The following COLEC11 variants were observed in gnomAD, a reference collection of about 807,000 sequenced individuals.
COLEC11 encodes collectin-11.
A neutral mutation model predicts 27.3 loss-of-function variants in COLEC11; 20 were observed. The ratio of observed to expected loss-of-function variants is 0.73; its 90% CI spans 0.51 to 1.06. COLEC11 has a LOEUF of 1.06. Among genes scored for constraint, COLEC11 ranks in the 50% least tolerant of loss-of-function variants. The pLI is 0.00. For synonymous variants in COLEC11, 163 were observed against 154.7 expected (o/e 1.05, Z -0.40); for missense variants, 310 against 383.0 (o/e 0.81, Z 1.59).
At chr2:3,632,466 C>A (rs749979694) in intron 3 of COLEC11, among the ~76,000 whole-genome samples, 1 of 152,300 alleles carries the variant, frequency 6.6e-6, no homozygotes, top group Non-Finnish European at 1.5e-5. Context: ...GGCTTACAGG[C>A]GGTGTCTTCC....
intron 3 of COLEC11, among the ~76,000 whole-genome samples, chr2:3,621,285 A>C (rs115150736): frequency 0.016 from 2,403 of 152,210 alleles, 63 homozygotes; most frequent in African/African-American, 0.056. Flanking sequence ...ACCCTTTTTT[A>C]CTCTTGGCTA....
At chr2:3,640,227 A>C (rs867152418) in intron 4 of COLEC11, 51 bp from the exon 5 acceptor site, 1 of 1,092,884 alleles carries the variant, frequency 9.2e-7, no homozygotes, top group Non-Finnish European at 1.4e-6. Flanking sequence ...TTTAACACAT[A>C]GAACATGTCC....
intron 2 of COLEC11, among the ~76,000 whole-genome samples, chr2:3,609,852 T>TG (rs1231779168): frequency 6.6e-6 from 1 of 151,718 alleles, no homozygotes; most frequent in Admixed American, 6.6e-5. Flanking sequence ...TTTGTAGAGA[T>TG]GGGGTCTTGC....
chr2:3,643,994 G>A lies in COLEC11; in HGVS notation c.692G>A (p.Gly231Asp). 3.1e-6 allele frequency: 5 copies of A among 1,614,136 alleles called. No homozygotes were observed. The highest frequency in any genetic ancestry group is 4.2e-6 in the Non-Finnish European group (5 of 1,180,054). The change falls in exon 7 of 7, where the codon GGT (glycine) becomes GAT (aspartate). Residue 231 changes from glycine to aspartate, a missense_variant. Gly to Asp is a moderately conservative substitution (Grantham distance 94). Coordinates refer to ENST00000349077, the MANE Select transcript of COLEC11 (RefSeq NM_024027.5). Reference protein sequence around the residue: ...PMRTFNKWRSGEPNNAYDEED... With the variant: ...PMRTFNKWRSDEPNNAYDEED... ...CGGACCTTCAACAAGTGGCGCAGCG[G>A]TGAGCCCAACAATGCCTACGACGAG...
chr2:3,603,636 G>A lies in COLEC11; in HGVS notation c.-26-679G>A, dbSNP rs561328335. The A allele has an allele frequency of 3.4e-4, 532 of 1,550,918 alleles. No homozygotes were observed. In the African/African-American group the frequency reaches 5.5e-3, roughly 16 times the overall value. ...CTGGTCTTGTTTTCCAAGTTGTAACGCCCTTCACGATGAAGAAACAAAGAG... is the reference window on the plus strand; with the variant it reads ...CTGGTCTTGTTTTCCAAGTTGTAACACCCTTCACGATGAAGAAACAAAGAG... On this transcript the variant is annotated intron_variant, in intron 1 of 6. Coordinates refer to ENST00000349077, the MANE Select transcript of COLEC11 (RefSeq NM_024027.5).
At position 3,643,954 on chromosome 2, in the gene COLEC11, G is replaced by A. The variant is rs1278092087; in HGVS notation, c.652G>A (p.Asp218Asn). ...GAAGGAGGGCGCCTTCGTGTACTCT[G>A]ACCACTCCCCCATGCGGACCTTCAA... ...LEKEGAFVYS[D>N]HSPMRTFNKW... Residue 218 changes from aspartate (D) to asparagine (N), a missense_variant, in exon 7 of 7, where the codon GAC (aspartate) becomes AAC (asparagine). Coordinates refer to ENST00000349077, the MANE Select transcript of COLEC11 (RefSeq NM_024027.5). The A allele has an allele frequency of 1.2e-6, 2 of 1,614,062 alleles. No homozygotes were observed. The highest frequency in any genetic ancestry group is 1.7e-6 in the Non-Finnish European group (2 of 1,180,062).
At chr2:3,603,925 C>T (rs1428576052) in intron 1 of COLEC11, 2 of 579,352 alleles carry the variant, frequency 3.5e-6, no homozygotes, top group Non-Finnish European at 6.1e-6. Flanking sequence ...ATCTCAGCCT[C>T]CCTCCGCTGT....
At chr2:3,640,527 G>A (rs1414932898) in intron 5 of COLEC11, among the ~76,000 whole-genome samples, 196 bp downstream of exon 5, 1 of 44,346 alleles carries the variant, frequency 2.3e-5, no homozygotes, top group Non-Finnish European at 3.9e-5. Context: ...ACCCACCCCC[G>A]TCACATCCCA....
intron 3 of COLEC11, among the ~76,000 whole-genome samples, chr2:3,621,277 C>A (rs933839644): frequency 6.6e-6 from 1 of 152,172 alleles, no homozygotes; most frequent in South Asian, 2.1e-4. Context: ...ATATAAAAAC[C>A]CTTTTTTACT....
intron 3 of COLEC11, among the ~76,000 whole-genome samples, chr2:3,634,900 T>C (rs942246944): frequency 1.5e-4 from 21 of 140,848 alleles, no homozygotes; most frequent in African/African-American, 6.5e-4. Context: ...TCTTGGACCC[T>C]GTCCTCACTG....
intron 4 of COLEC11, among the ~76,000 whole-genome samples, chr2:3,637,918 T>C (rs1462306407): frequency 6.6e-6 from 1 of 152,214 alleles, no homozygotes. Context: ...TTAACAAGTT[T>C]GGTAACAGAC....
intron 3 of COLEC11, among the ~76,000 whole-genome samples, chr2:3,614,905 C>T (rs1663534905): frequency 6.6e-6 from 1 of 152,204 alleles, no homozygotes; most frequent in Non-Finnish European, 1.5e-5. Context: ...CGAATAACAT[C>T]AGTCTTCCCA....
intron 3 of COLEC11, among the ~76,000 whole-genome samples, chr2:3,619,742 C>T (rs1202299962): frequency 2.6e-5 from 4 of 152,174 alleles, no homozygotes; most frequent in Non-Finnish European, 5.9e-5. Flanking sequence ...TCTCCTGCCT[C>T]AGCCGCCCAA....
At chr2:3,633,483 G>A (rs1179691458) in intron 3 of COLEC11, among the ~76,000 whole-genome samples, 1 of 152,208 alleles carries the variant, frequency 6.6e-6, no homozygotes, top group Non-Finnish European at 1.5e-5. Context: ...TGCCCTTGGA[G>A]AAGTGTGGGA....
In COLEC11 at chr2:3,640,308, C is replaced by A. The variant is rs368391846; in HGVS notation, c.305C>A (p.Pro102His). ...AAAGGAGATTCCGGTGACATAGGAC[C>A]CCCTGGTCCTAATGGAGAACCAGGT... is the stretch of plus-strand genomic sequence containing the variant. ...GEKGDSGDIG[P>H]PGPNGEPGLP... The change falls in exon 5 of 7, where the codon CCC (proline) becomes CAC (histidine). Residue 102 changes from proline to histidine, a missense_variant. Transcript: ENST00000349077. 2 of 1,601,866 alleles carry A rather than the reference C, an allele frequency of 1.2e-6. No individual in the cohort carries two copies. The highest frequency in any genetic ancestry group is 2.2e-5 in the East Asian group (1 of 44,846).
At position 3,641,494 on chromosome 2, in the gene COLEC11, G is replaced by C. The variant is rs17017808; in HGVS notation, c.328+1163G>C. The C allele has an allele frequency of 4.7e-3, 5,455 of 1,152,074 alleles. 188 individuals carry two copies. In the African/African-American group the frequency reaches 0.079, roughly 17 times the overall value. 71.4% of individuals were successfully genotyped at this position (1,152,074 alleles called of 1,614,324 possible). A position where few individuals can be genotyped will look rare whatever the true frequency, so the allele number is the denominator to read the frequency against. Reference sequence around the variant, plus strand: ...TCCCGGGGCTGAGCTGCTATCGTCAGGCCTAGCTTGGTCAGAGTTTGGAGG... The same window carrying C: ...TCCCGGGGCTGAGCTGCTATCGTCACGCCTAGCTTGGTCAGAGTTTGGAGG... On this transcript the variant is annotated intron_variant, in intron 5 of 6. Transcript: ENST00000349077.
chr2:3,637,700 G>C, intron 4 of COLEC11, 96 bp downstream of exon 4: 1 of 993,664 alleles, frequency 1.0e-6, no homozygotes, highest in Non-Finnish European at 1.6e-6. Context: ...TGTCTCGTCT[G>C]GTGCTCTTAT....
chr2:3,602,895 C>G lies in COLEC11; in HGVS notation c.-26-1420C>G, dbSNP rs1160466364. 1.3e-5 allele frequency among the ~76,000 whole-genome samples: 2 copies of G among 152,234 alleles called. No individual in the cohort carries two copies. The highest frequency in any genetic ancestry group is 2.1e-4 in the South Asian group (1 of 4,828). On this transcript the variant is annotated intron_variant, in intron 1 of 6. Coordinates refer to ENST00000349077, the MANE Select transcript of COLEC11 (RefSeq NM_024027.5). This position sits in a 1 kb window ranked among gnomAD's most constrained non-coding sequence, Gnocchi z 6.2. ...GCCACTGGACTCTGCCTCACTCTTC[C>G]CCACGGCGCTTACCCCTGCCTCTGT...
chr2:3,596,429 C>T (rs1661845388), intron 1 of COLEC11, among the ~76,000 whole-genome samples: 1 of 151,704 alleles, frequency 6.6e-6, no homozygotes, highest in African/African-American at 2.4e-5. Context: ...CTCCGCCTCC[C>T]AGGTTCAAGC....
Sources: gnomAD v4.1 joint callset for allele counts (sites outside exome capture counted in the v4.1 genomes callset) on GRCh38, gnomAD v4.1.1 for gene constraint, Gnocchi (gnomAD v3.1) non-coding constraint, MANE v1.5 for transcripts, NCBI Gene and HGNC (gene_info 2026-07-23, HGNC 2026-07-21) for gene names.